Variants in SPOCK1 observed in about 807,000 individuals in gnomAD.
The protein encoded by SPOCK1 is SPARC (osteonectin), cwcv and kazal like domains proteoglycan 1.
SPOCK1 carries 23 observed loss-of-function variants against 55.3 expected under a neutral mutation model. That is an observed-to-expected ratio of 0.42 (90% CI 0.30 to 0.59). SPOCK1 has a LOEUF of 0.59. SPOCK1 is among the 20% of genes least tolerant of loss of function. The probability of loss-of-function intolerance (pLI) is 0.22; values close to 1 mark genes in which losing one functional copy is unlikely to be tolerated. For missense variants in SPOCK1, 499 were observed against 552.5 expected (o/e 0.90, Z 0.97); for synonymous variants, 226 against 221.0 (o/e 1.02, Z -0.20).
At chr5:136,984,853 C>G (rs1465773532) in intron 9 of SPOCK1, among the ~76,000 whole-genome samples, 1 of 152,068 alleles carries the variant, frequency 6.6e-6, no homozygotes, top group African/African-American at 2.4e-5. Context: ...TAGAAAAAGC[C>G]AAGATTTGTT....
chr5:137,292,303 CT>C (rs1403862766), intron 2 of SPOCK1, among the ~76,000 whole-genome samples: 1 of 151,904 alleles, frequency 6.6e-6, no homozygotes, highest in East Asian at 1.9e-4. Flanking sequence ...TTAATTACCC[CT>C]GAGGAGAGTT....
Position 137,236,040 on chromosome 5 carries a change from T to A in SPOCK1, c.232+30970A>T, listed in dbSNP as rs55993530. ...TCTGACTGCGTCCCTCCCAGGGCGG[T>A]GGGGCTTCTGTAGGGCTTAGAAAAA... On this transcript the variant is annotated intron_variant, in intron 3 of 10. Coordinates refer to ENST00000394945, the MANE Select transcript of SPOCK1 (RefSeq NM_004598.4). Among the ~76,000 whole-genome samples the A allele has an allele frequency of 2.4e-3, 373 of 152,314 alleles. 2 individuals are homozygous for A. The highest frequency in any genetic ancestry group is 8.2e-3 in the African/African-American group (342 of 41,574).
chr5:137,358,665 C>T (rs1003318441), intron 2 of SPOCK1, among the ~76,000 whole-genome samples: 1 of 152,168 alleles, frequency 6.6e-6, no homozygotes, highest in African/African-American at 2.4e-5. Flanking sequence ...ACCTATCCAA[C>T]AGGTCTTCAG....
At chr5:137,111,430 T>C (rs1753468086) in intron 5 of SPOCK1, among the ~76,000 whole-genome samples, 1 of 152,172 alleles carries the variant, frequency 6.6e-6, no homozygotes, top group South Asian at 2.1e-4. Context: ...GCAAGAGCTC[T>C]ACTCCCACCC....
chr5:137,223,308 G>GAA lies in SPOCK1; in HGVS notation c.232+43700_232+43701dup, dbSNP rs5871626. Among the ~76,000 whole-genome samples the GAA allele has an allele frequency of 5.7e-3, 806 of 141,612 alleles. 11 individuals are homozygous for GAA. Among genetic ancestry groups the GAA allele is most frequent in the African/African-American group, 0.02 (753 of 38,004 alleles). The allele number at this position is 141,612 out of a possible 152,430, so 92.9% of individuals were successfully genotyped here. On this transcript the variant is annotated intron_variant, in intron 3 of 10. Transcript: ENST00000394945. ...CCCTGTACATAATGTGCTATAACAT[G>GAA]AAAAAAAAAAAAAGTAAAAAGCATG...
intron 2 of SPOCK1, among the ~76,000 whole-genome samples, chr5:137,269,414 G>A (rs546308122): frequency 6.6e-6 from 1 of 152,324 alleles, no homozygotes; most frequent in South Asian, 2.1e-4. Context: ...CTGCAGCTGA[G>A]AGAGGAAACC....
chr5:136,998,928 TTC>T (rs890341753), intron 6 of SPOCK1, among the ~76,000 whole-genome samples: 2 of 152,224 alleles, frequency 1.3e-5, no homozygotes, highest in Admixed American at 6.5e-5. Context: ...GACTTTTCCT[TTC>T]TGTTTGGAAA....
At chr5:137,159,953 T>C (rs555025015) in intron 3 of SPOCK1, among the ~76,000 whole-genome samples, 1 of 152,272 alleles carries the variant, frequency 6.6e-6, no homozygotes, top group East Asian at 1.9e-4. Flanking sequence ...TTGGTGAACA[T>C]AAGGAGGCAA....
chr5:137,031,349 T>C (rs1751775639), intron 6 of SPOCK1, among the ~76,000 whole-genome samples: 1 of 152,262 alleles, frequency 6.6e-6, no homozygotes, highest in Non-Finnish European at 1.5e-5. Context: ...GGCTCTCATG[T>C]TGAATTTCTC....
chr5:137,498,277 CA>C, intron 2 of SPOCK1, 95 bp downstream of exon 2: 1 of 1,184,866 alleles, frequency 8.4e-7, no homozygotes, highest in Non-Finnish European at 1.1e-6. Context: ...CACACACACA[CA>C]CACACACACA....
intron 2 of SPOCK1, among the ~76,000 whole-genome samples, chr5:137,292,143 C>T (rs1467806244): frequency 6.6e-5 from 10 of 152,144 alleles, no homozygotes; most frequent in Admixed American, 1.3e-4. Flanking sequence ...AACAATAACT[C>T]GGCTTTGTAT....
chr5:137,244,479 A>G (rs1020766012), intron 3 of SPOCK1, among the ~76,000 whole-genome samples: 3 of 152,220 alleles, frequency 2.0e-5, no homozygotes, highest in Non-Finnish European at 2.9e-5. Context: ...GTATATATTG[A>G]AGCTGAATTC....
At chr5:137,341,053 A>G (rs1262593958) in intron 2 of SPOCK1, among the ~76,000 whole-genome samples, 1 of 152,198 alleles carries the variant, frequency 6.6e-6, no homozygotes, top group Non-Finnish European at 1.5e-5. Flanking sequence ...CTGGCACTCC[A>G]CAACTCTGAA....
chr5:137,247,244 T>G (rs2127103926), intron 3 of SPOCK1, among the ~76,000 whole-genome samples: 1 of 152,100 alleles, frequency 6.6e-6, no homozygotes, highest in East Asian at 1.9e-4. Flanking sequence ...TGAAAATGGG[T>G]GCCTGGCCCA....
intron 2 of SPOCK1, among the ~76,000 whole-genome samples, chr5:137,492,204 C>G (rs1296456512): frequency 1.3e-5 from 2 of 152,196 alleles, no homozygotes; most frequent in East Asian, 3.8e-4. Flanking sequence ...GACACATAAC[C>G]CAGACTTGGA....
chr5:137,282,720 C>A (rs188957402), intron 2 of SPOCK1, among the ~76,000 whole-genome samples: 2 of 152,192 alleles, frequency 1.3e-5, no homozygotes, highest in Non-Finnish European at 2.9e-5. Flanking sequence ...TTCTTCCTCC[C>A]GGTCCCTGCC....
intron 4 of SPOCK1, among the ~76,000 whole-genome samples, chr5:137,131,989 A>T (rs7712404): frequency 3.9e-3 from 141 of 36,018 alleles, no homozygotes; most frequent in East Asian, 0.017. Context: ...AAAAAAAAAA[A>T]ATATATATAT....
chr5:137,228,986 A>G (rs1207130068), intron 3 of SPOCK1, among the ~76,000 whole-genome samples: 2 of 152,160 alleles, frequency 1.3e-5, no homozygotes, highest in Admixed American at 6.5e-5. Flanking sequence ...GAGCTCACGC[A>G]CTGCAAATAC....
At position 137,383,318 on chromosome 5, in the gene SPOCK1, C is replaced by T. The variant is rs116809610; in HGVS notation, c.186+115055G>A. Among the ~76,000 whole-genome samples the T allele has an allele frequency of 2.1e-3, 313 of 152,260 alleles. 1 individual carries two copies. The highest frequency in any genetic ancestry group is 7.4e-3 in the African/African-American group (309 of 41,554). On this transcript the variant is annotated intron_variant, in intron 2 of 10. Transcript: ENST00000394945. ...CAAATGGCAGCTCCATTTGCCCTTC[C>T]CCTCCCCACATCCTGACCTACCCAG...
Sources: gnomAD v4.1 joint callset for allele counts (sites outside exome capture counted in the v4.1 genomes callset) on GRCh38, gnomAD v4.1.1 for gene constraint, MANE v1.5 for transcripts, NCBI Gene and HGNC (gene_info 2026-07-23, HGNC 2026-07-21) for gene names.